DIAPH2: variants seen among roughly 807,000 people sequenced by gnomAD.
DIAPH2 encodes the protein diaphanous related formin 2.
Under a neutral mutation model 92.7 loss-of-function variants are expected in DIAPH2, and 35 were observed. The observed-to-expected ratio is 0.38, with a 90% CI of 0.29 to 0.50. The LOEUF (loss-of-function observed/expected upper bound fraction) is 0.50, where lower values mean the gene tolerates loss of function less well. DIAPH2 is among the 20% of genes least tolerant of loss of function. The pLI is 0.94. For synonymous variants in DIAPH2, 301 were observed against 280.4 expected (o/e 1.07, Z -0.73); for missense variants, 701 against 819.5 (o/e 0.86, Z 1.77).
intron 26 of DIAPH2, among the ~76,000 whole-genome samples, chrX:97,591,944 G>A (rs1192122934): frequency 8.9e-6 from 1 of 112,038 alleles, no homozygotes; most frequent in African/African-American, 3.2e-5. Flanking sequence ...GGCAAGGTCT[G>A]TGGCAGTTGA....
intron 26 of DIAPH2, among the ~76,000 whole-genome samples, chrX:97,537,860 T>G (rs1259546961): frequency 9.1e-6 from 1 of 109,836 alleles, no homozygotes; most frequent in Admixed American, 9.7e-5. Flanking sequence ...TTGTGCCAGA[T>G]ACACTACTTA....
Position 97,586,829 on chromosome X carries a change from A to G in DIAPH2, c.3242-12424A>G, listed in dbSNP as rs1602685206. Among the ~76,000 whole-genome samples, 2 of 111,872 alleles carry G rather than the reference A, an allele frequency of 1.8e-5. 1 individual carries two copies. On this transcript the variant is annotated intron_variant, in intron 26 of 26. Coordinates refer to ENST00000324765, the MANE Select transcript of DIAPH2 (RefSeq NM_006729.5). ...TAGCACACACTATAACTCTCTTCTC[A>G]TTATCTTTGTATGCTAACCGCATTT... is the stretch of plus-strand genomic sequence containing the variant.
chrX:97,234,626 G>A (rs765318528), intron 22 of DIAPH2, among the ~76,000 whole-genome samples: 27 of 112,149 alleles, frequency 2.4e-4, no homozygotes, highest in Admixed American at 1.3e-3. Flanking sequence ...ATATGTAAAC[G>A]ATGGACCTGG....
intron 23 of DIAPH2, among the ~76,000 whole-genome samples, chrX:97,344,370 A>T (rs745622947): frequency 8.9e-6 from 1 of 112,346 alleles, no homozygotes; most frequent in South Asian, 3.7e-4. Flanking sequence ...TGATTGTGCC[A>T]CTGCACTCCA....
intron 3 of DIAPH2, among the ~76,000 whole-genome samples, chrX:96,753,284 A>T (rs1389270508): frequency 8.9e-6 from 1 of 112,155 alleles, no homozygotes; most frequent in African/African-American, 3.2e-5. Context: ...AGCAGAACAT[A>T]GGGATTTTGA....
chrX:96,756,572 A>G (rs768580762), intron 3 of DIAPH2, among the ~76,000 whole-genome samples: 1 of 111,841 alleles, frequency 8.9e-6, no homozygotes, highest in Non-Finnish European at 1.9e-5. Context: ...GCTATTATCA[A>G]TAATGCTGCT....
intron 4 of DIAPH2, among the ~76,000 whole-genome samples, chrX:96,780,745 G>A (rs1309944361): frequency 3.7e-5 from 4 of 109,277 alleles, no homozygotes; most frequent in African/African-American, 1.0e-4. Context: ...GCCTCCCAAA[G>A]TGCTGGGATT....
chrX:96,891,008 C>A (rs1044163747), intron 5 of DIAPH2, among the ~76,000 whole-genome samples: 6 of 111,226 alleles, frequency 5.4e-5, no homozygotes, highest in Admixed American at 1.9e-4. Flanking sequence ...AAGGGACCCT[C>A]TTACCCTCTT....
rs775483266 is a variant in DIAPH2 at position 96,980,045 on chromosome X, A to C, written c.2050+14838A>C. Reference sequence around the variant, plus strand: ...AGAGGGGAGTACCCACAACCCCCGAAGCCCCAGAAGGAGTGTTACAGGCAA... The same window carrying C: ...AGAGGGGAGTACCCACAACCCCCGACGCCCCAGAAGGAGTGTTACAGGCAA... On this transcript the variant is annotated intron_variant, in intron 17 of 26. Transcript: ENST00000324765. Among the ~76,000 whole-genome samples, 8 of 111,063 alleles carry C rather than the reference A, an allele frequency of 7.2e-5. No individual in the cohort carries two copies. In the South Asian group the frequency reaches 3.1e-3, roughly 43 times the overall value.
intron 17 of DIAPH2, among the ~76,000 whole-genome samples, chrX:97,011,748 C>T (rs529212901): frequency 1.1e-3 from 114 of 108,310 alleles, no homozygotes; most frequent in African/African-American, 3.6e-3. Context: ...AAAAATTAGC[C>T]GGGTGTGCTG....
intron 1 of DIAPH2, among the ~76,000 whole-genome samples, chrX:96,707,305 A>G (rs1412579034): frequency 9.3e-6 from 1 of 107,792 alleles, no homozygotes; most frequent in African/African-American, 3.4e-5. Context: ...AGTAGCTGGG[A>G]TTACAGGTGT....
intron 17 of DIAPH2, among the ~76,000 whole-genome samples, chrX:96,991,958 T>A (rs1454607312): frequency 9.0e-6 from 1 of 111,041 alleles, no homozygotes; most frequent in Non-Finnish European, 1.9e-5. Flanking sequence ...CATGCATTGA[T>A]GAAGTAATCA....
chrX:96,814,293 C>A (rs1602531264), intron 4 of DIAPH2, among the ~76,000 whole-genome samples: 1 of 111,684 alleles, frequency 9.0e-6, no homozygotes, highest in East Asian at 2.8e-4. Flanking sequence ...ATCACTGATA[C>A]CCTTTCTTCC....
Position 97,496,780 on chromosome X carries a change from C to T in DIAPH2, c.3241+67035C>T, listed in dbSNP as rs768302270. On this transcript the variant is annotated intron_variant, in intron 26 of 26. Coordinates refer to ENST00000324765, the MANE Select transcript of DIAPH2 (RefSeq NM_006729.5). ...CTCGAACTCCTGACCTCAGGTGATC[C>T]GCCCACATCGGCCTCCCAAAGTGCT... Among the ~76,000 whole-genome samples the T allele has an allele frequency of 5.5e-4, 60 of 108,536 alleles. No homozygotes were observed. In the Middle Eastern group the frequency reaches 0.019, roughly 34 times the overall value. 94.3% of individuals were successfully genotyped at this position (108,536 alleles called of 115,157 possible). A position where few individuals can be genotyped will look rare whatever the true frequency, so the allele number is the denominator to read the frequency against.
intron 4 of DIAPH2, among the ~76,000 whole-genome samples, chrX:96,802,364 C>T (rs1432134225): frequency 8.9e-6 from 1 of 112,184 alleles, no homozygotes; most frequent in Non-Finnish European, 1.9e-5. Context: ...TCTATTAAAA[C>T]TTTATTTGTA....
intron 23 of DIAPH2, among the ~76,000 whole-genome samples, chrX:97,293,542 C>T (rs925154917): frequency 9.0e-6 from 1 of 111,402 alleles, no homozygotes; most frequent in East Asian, 2.8e-4. Context: ...TGAGCCACTG[C>T]CCCCGGTCTT....
intron 1 of DIAPH2, among the ~76,000 whole-genome samples, chrX:96,689,697 T>A (rs974322809): frequency 9.0e-6 from 1 of 110,955 alleles, no homozygotes; most frequent in African/African-American, 3.3e-5. Context: ...CACTCTTCCA[T>A]TAAACACCGA....
chrX:97,369,943 C>T (rs777031310), intron 24 of DIAPH2, among the ~76,000 whole-genome samples: 2 of 111,306 alleles, frequency 1.8e-5, no homozygotes, highest in East Asian at 2.8e-4. Context: ...CTTTAGAGTA[C>T]GATTTTAACT....
intron 4 of DIAPH2, among the ~76,000 whole-genome samples, chrX:96,810,935 T>C (rs1342662169): frequency 8.9e-6 from 1 of 111,854 alleles, no homozygotes; most frequent in African/African-American, 3.3e-5. Context: ...TGTAGTATAG[T>C]TTGAAGTCAG....
Sources: allele counts gnomAD v4.1 joint callset (sites outside exome capture counted in the v4.1 genomes callset), GRCh38; gene constraint gnomAD v4.1.1; transcripts MANE v1.5; gene names NCBI Gene and HGNC (gene_info 2026-07-23, HGNC 2026-07-21).